The following SEMA6D variants were observed in gnomAD, a reference collection of about 807,000 sequenced individuals.
The protein encoded by SEMA6D is semaphorin-6D.
A neutral mutation model predicts 106.6 loss-of-function variants in SEMA6D; 35 were observed. That is an observed-to-expected ratio of 0.33 (90% confidence interval 0.25 to 0.44). SEMA6D has a LOEUF of 0.44. SEMA6D is among the 20% of genes least tolerant of loss of function. The pLI is 1.00. For missense variants in SEMA6D, 1,185 were observed against 1,345.9 expected (o/e 0.88, Z 1.87); for synonymous variants, 499 against 487.7 (o/e 1.02, Z -0.31).
intron 1 of SEMA6D, among the ~76,000 whole-genome samples, chr15:47,358,373 C>A (rs1248241390): frequency 6.6e-6 from 1 of 152,152 alleles, no homozygotes; most frequent in East Asian, 1.9e-4. Context: ...AACTTTGGTG[C>A]CTCCTTCCCA....
At chr15:47,641,071 T>C (rs1485876653) in intron 4 of SEMA6D, among the ~76,000 whole-genome samples, 1 of 151,582 alleles carries the variant, frequency 6.6e-6, no homozygotes, top group Non-Finnish European at 1.5e-5. Context: ...TGGAGCGGAG[T>C]GGGAGGGGGA....
intron 3 of SEMA6D, among the ~76,000 whole-genome samples, chr15:47,524,341 A>G (rs890953575): frequency 6.6e-6 from 1 of 152,188 alleles, no homozygotes; most frequent in Non-Finnish European, 1.5e-5. Context: ...CTTTCCATGC[A>G]GGTGGCTGGG....
At chr15:47,431,968 T>C (rs1056282083) in intron 2 of SEMA6D, among the ~76,000 whole-genome samples, 1 of 152,134 alleles carries the variant, frequency 6.6e-6, no homozygotes, top group African/African-American at 2.4e-5. Flanking sequence ...GATGTATCAA[T>C]GGTTTCTTTT....
At chr15:47,310,582 G>GT (rs35025286) in intron 1 of SEMA6D, among the ~76,000 whole-genome samples, 65,913 of 151,192 alleles carry the variant, frequency 0.44, 16,629 homozygotes, top group Non-Finnish European at 0.56. Flanking sequence ...TATAGTTCAT[G>GT]TTTTTTTTAA....
intron 1 of SEMA6D, among the ~76,000 whole-genome samples, chr15:47,228,022 A>T (rs2031904767): frequency 7.0e-6 from 1 of 142,682 alleles, no homozygotes; most frequent in Non-Finnish European, 1.5e-5. Context: ...AGAATCATAT[A>T]TTTTTTATAT....
intron 1 of SEMA6D, among the ~76,000 whole-genome samples, chr15:47,199,931 A>G (rs1430039466): frequency 1.3e-5 from 2 of 152,170 alleles, no homozygotes; most frequent in Non-Finnish European, 1.5e-5. Flanking sequence ...GAAAGTTACT[A>G]TTATTAATAC....
At chr15:47,245,715 T>C (rs1377339546) in intron 1 of SEMA6D, among the ~76,000 whole-genome samples, 1 of 152,228 alleles carries the variant, frequency 6.6e-6, no homozygotes, top group East Asian at 1.9e-4. Context: ...ATTGGTGATC[T>C]TTGTGATGCT....
chr15:47,609,725 G>A (rs868745326), intron 4 of SEMA6D, among the ~76,000 whole-genome samples: 1 of 152,166 alleles, frequency 6.6e-6, no homozygotes, highest in Non-Finnish European at 1.5e-5. Context: ...ACTTGCTCAT[G>A]CAGGAAGTCC....
intron 4 of SEMA6D, among the ~76,000 whole-genome samples, chr15:47,651,659 G>A (rs2077694342): frequency 6.6e-6 from 1 of 152,134 alleles, no homozygotes. Flanking sequence ...GGATGTTCTG[G>A]GTCAGACCTG....
At chr15:47,229,387 T>A (rs1271034497) in intron 1 of SEMA6D, among the ~76,000 whole-genome samples, 1 of 151,896 alleles carries the variant, frequency 6.6e-6, no homozygotes, top group Non-Finnish European at 1.5e-5. Context: ...CTCCATGTGG[T>A]CTTAAAAAAA....
At chr15:47,616,075 T>C (rs1054452256) in intron 4 of SEMA6D, among the ~76,000 whole-genome samples, 1 of 152,238 alleles carries the variant, frequency 6.6e-6, no homozygotes, top group Non-Finnish European at 1.5e-5. Context: ...TATTCAAGTA[T>C]GATTACGTCT....
intron 3 of SEMA6D, among the ~76,000 whole-genome samples, chr15:47,555,656 A>G (rs1314378497): frequency 1.3e-5 from 2 of 152,150 alleles, no homozygotes; most frequent in Non-Finnish European, 1.5e-5. Context: ...TCTGATTCAG[A>G]AAGTCTAAGG....
At chr15:47,640,881 C>A (rs1428172653) in intron 4 of SEMA6D, among the ~76,000 whole-genome samples, 1 of 151,562 alleles carries the variant, frequency 6.6e-6, no homozygotes, top group Non-Finnish European at 1.5e-5. Flanking sequence ...TAAATCGCTT[C>A]TTGAACAGAA....
intron 1 of SEMA6D, chr15:47,730,983 G>A (rs1310126918): frequency 6.1e-6 from 4 of 652,628 alleles, no homozygotes; most frequent in Non-Finnish European, 1.1e-5. Flanking sequence ...AATTACCTAA[G>A]CAGTACAATC....
intron 1 of SEMA6D, among the ~76,000 whole-genome samples, chr15:47,194,242 A>G (rs1452700484): frequency 1.3e-5 from 2 of 152,188 alleles, no homozygotes; most frequent in African/African-American, 4.8e-5. Context: ...TATGTCATAT[A>G]TGTGTCACTA....
At position 47,445,771 on chromosome 15, in the gene SEMA6D, A is replaced by C. The variant is rs1005191505; in HGVS notation, c.-158-24703A>C. ...AACTTAAAAAACATGGTATTTTAGA[A>C]GTCAAGGCATGTCCTCCCCCTCAGC... On this transcript the variant is annotated intron_variant, in intron 2 of 19. Coordinates refer to the SEMA6D transcript ENST00000558014. Among the ~76,000 whole-genome samples the C allele has an allele frequency of 3.3e-5, 5 of 152,032 alleles. No individual in the cohort carries two copies. The East Asian group carries it at 9.8e-4, about 30-fold the overall frequency.
Position 47,720,240 on chromosome 15 carries a change from G to GAT in SEMA6D, c.-55+2549_-55+2550dup, listed in dbSNP as rs151293386. Among the ~76,000 whole-genome samples the GAT allele has an allele frequency of 9.3e-3, 1,403 of 150,146 alleles. 22 individuals are homozygous for GAT. The highest frequency in any genetic ancestry group is 0.033 in the African/African-American group (1,352 of 40,940). ...CCTACCTGGCCTTATTCCTCGTAGG[G>GAT]ATGCTATATCAATAACCTTTCTTTT... On this transcript the variant is annotated intron_variant, in intron 1 of 18. Coordinates refer to ENST00000536845, the MANE Select transcript of SEMA6D (RefSeq NM_001358351.3).
intron 1 of SEMA6D, among the ~76,000 whole-genome samples, chr15:47,370,469 C>T (rs142392498): frequency 0.015 from 2,334 of 151,888 alleles, 57 homozygotes; most frequent in African/African-American, 0.053. Context: ...GAGCCGACAT[C>T]GAGCCACTGC....
intron 1 of SEMA6D, among the ~76,000 whole-genome samples, chr15:47,328,458 A>G (rs1333306092): frequency 6.6e-6 from 1 of 152,236 alleles, no homozygotes; most frequent in Admixed American, 6.5e-5. Context: ...TTTCTTTAGT[A>G]CAGATCAAGG....
Sources: gnomAD v4.1 joint callset for allele counts (sites outside exome capture counted in the v4.1 genomes callset) on GRCh38, gnomAD v4.1.1 for gene constraint, MANE v1.5 for transcripts, NCBI Gene and HGNC (gene_info 2026-07-23, HGNC 2026-07-21) for gene names.